MEI1: variants seen among roughly 807,000 people sequenced by gnomAD.
The protein encoded by MEI1 is meiotic double-stranded break formation protein 1.
Under a neutral mutation model 146.2 loss-of-function variants are expected in MEI1, and 103 were observed. The ratio of observed to expected loss-of-function variants is 0.70; its 90% confidence interval spans 0.60 to 0.83. MEI1 has a LOEUF of 0.83. Among genes scored for constraint, MEI1 ranks in the 40% least tolerant of loss-of-function variants. MEI1 has a pLI of 0.00. For missense variants in MEI1, 1,529 were observed against 1,533.0 expected (o/e 1.00, Z 0.04); for synonymous variants, 652 against 628.2 (o/e 1.04, Z -0.57).
intron 18 of MEI1, among the ~76,000 whole-genome samples, chr22:41,762,443 T>G (rs908548137): frequency 3.3e-5 from 5 of 151,750 alleles, no homozygotes; most frequent in African/African-American, 1.2e-4. Context: ...AGCACAATCA[T>G]GGCTCGCTGC....
intron 18 of MEI1, among the ~76,000 whole-genome samples, chr22:41,762,594 C>T (rs2074570326): frequency 6.7e-6 from 1 of 148,678 alleles, no homozygotes; most frequent in Non-Finnish European, 1.5e-5. Context: ...ACTATGTTGC[C>T]TAGGCTGGTC....
chr22:41,728,689 A>C (rs893668949), intron 7 of MEI1, among the ~76,000 whole-genome samples: 1 of 151,990 alleles, frequency 6.6e-6, no homozygotes, highest in Non-Finnish European at 1.5e-5. Context: ...ACATGGTGAA[A>C]CCCTGTCTCT....
At chr22:41,770,348 C>T (rs969071186) in intron 19 of MEI1, among the ~76,000 whole-genome samples, 2 of 151,894 alleles carry the variant, frequency 1.3e-5, no homozygotes, top group African/African-American at 4.8e-5. Flanking sequence ...ATATTTTGCA[C>T]CAGATCATTC....
Position 41,770,668 on chromosome 22 carries a change from T to G in MEI1, c.2269-18T>G. The stretch of plus-strand genomic sequence containing the variant: ...CTCTGCAAGGTGTATTTACCTCCTT[T>G]CTTTGTTTTGCCTCCAGACTATGGT... On this transcript the variant is annotated intron_variant, in intron 19 of 30. Coordinates refer to ENST00000401548, the MANE Select transcript of MEI1 (RefSeq NM_152513.4). 1.9e-6 allele frequency: 3 copies of G among 1,609,710 alleles called. No homozygotes were observed. Among genetic ancestry groups the G allele is most frequent in the Non-Finnish European group, 2.5e-6 (3 of 1,177,728 alleles).
In MEI1 at chr22:41,716,134, G is replaced by A; in HGVS notation, c.517G>A (p.Val173Ile). 6.2e-7 allele frequency: 1 copy of A among 1,607,368 alleles called. No individual in the cohort carries two copies. The highest frequency in any genetic ancestry group is 8.5e-7 in the Non-Finnish European group (1 of 1,176,772). ...DAIPALADEL[V>I]MEHGNLMEHL... Reference sequence around the variant, plus strand: ...CATCCCTGCTCTGGCAGACGAGCTTGTAATGGAGCATGGTGAGTGACCTGT... The same window carrying A: ...CATCCCTGCTCTGGCAGACGAGCTTATAATGGAGCATGGTGAGTGACCTGT... Residue 173 changes from valine to isoleucine, a missense_variant, in exon 5 of 31, where the codon GTA (valine) becomes ATA (isoleucine). Physicochemically the swap from Val to Ile is conservative, Grantham distance 29. Around this residue, in one of 3 missense-constraint regions of MEI1, gnomAD observed 1,212 missense variants for 1,178.9 expected, o/e 1.03. Coordinates refer to ENST00000401548, the MANE Select transcript of MEI1 (RefSeq NM_152513.4).
Position 41,729,645 on chromosome 22 carries a change from T to C in MEI1, c.865-20T>C, listed in dbSNP as rs1367909573. ...TATTCGTGGTGTGACTGGGGTACTT[T>C]TTGCTGCCTGTTTCTCCAGCTTCTC... On this transcript the variant is annotated intron_variant, in intron 7 of 30. Coordinates refer to ENST00000401548, the MANE Select transcript of MEI1 (RefSeq NM_152513.4). 6.4e-7 allele frequency: 1 copy of C among 1,562,494 alleles called. No homozygotes were observed. The highest frequency in any genetic ancestry group is 1.1e-5 in the South Asian group (1 of 87,200).
chr22:41,711,322 G>A (rs1421935990), intron 3 of MEI1, among the ~76,000 whole-genome samples: 5 of 152,090 alleles, frequency 3.3e-5, no homozygotes, highest in East Asian at 1.9e-4. Flanking sequence ...ATAGGCGCCC[G>A]CCATTGCGCC....
chr22:41,701,453 A>T (rs2068719141), intron 1 of MEI1, among the ~76,000 whole-genome samples: 1 of 152,036 alleles, frequency 6.6e-6, no homozygotes, highest in Non-Finnish European at 1.5e-5. Context: ...ACATGGAAAA[A>T]ATTTAAAAAA....
In MEI1 at chr22:41,785,910, A is replaced by G. The variant is rs1472553254; in HGVS notation, c.3345+1127A>G. ...TTATTTTTTTATTTTTTTATTTTTTATTTTATTTTTTTTTTTTTGAGACGG... is the reference window on the plus strand; with the variant it reads ...TTATTTTTTTATTTTTTTATTTTTTGTTTTATTTTTTTTTTTTTGAGACGG... On this transcript the variant is annotated intron_variant, in intron 26 of 30. Coordinates refer to ENST00000401548, the MANE Select transcript of MEI1 (RefSeq NM_152513.4). 2.1e-5 allele frequency among the ~76,000 whole-genome samples: 2 copies of G among 96,338 alleles called. 1 individual carries two copies. The highest frequency in any genetic ancestry group is 4.4e-5 in the Non-Finnish European group (2 of 45,084). 63.2% of individuals were successfully genotyped at this position (96,338 alleles called of 152,430 possible). A position where few individuals can be genotyped will look rare whatever the true frequency, so the allele number is the denominator to read the frequency against.
chr22:41,721,389 C>T (rs1436503431), intron 6 of MEI1, among the ~76,000 whole-genome samples: 2 of 151,364 alleles, frequency 1.3e-5, no homozygotes, highest in South Asian at 2.1e-4. Flanking sequence ...GGACTACAGG[C>T]GCATGCCACC....
chr22:41,754,099 T>C, intron 17 of MEI1, 53 bp downstream of exon 17: 1 of 1,343,314 alleles, frequency 7.4e-7, no homozygotes, highest in Non-Finnish European at 1.1e-6. Flanking sequence ...CTTTAGAGTC[T>C]GGGTGCCTTG....
At chr22:41,775,585 G>T (rs1162702571) in intron 20 of MEI1, among the ~76,000 whole-genome samples, 12 of 151,290 alleles carry the variant, frequency 7.9e-5, no homozygotes, top group African/African-American at 2.9e-4. Flanking sequence ...TTAATAGGAT[G>T]GACCTATTCT....
chr22:41,787,876 G>A (rs1268333954), intron 26 of MEI1, among the ~76,000 whole-genome samples: 1 of 152,128 alleles, frequency 6.6e-6, no homozygotes, highest in Non-Finnish European at 1.5e-5. Flanking sequence ...ATACCAAAAT[G>A]ACCTATTAGC....
rs61735670 is a variant in MEI1, at chr22:41,732,339, G to C, written c.1191G>C (p.Leu397=). 3.7e-3 allele frequency: 5,901 copies of C among 1,613,130 alleles called. 163 individuals are homozygous for C. The African/African-American group carries it at 0.061, about 17-fold the overall frequency. The change falls in exon 10 of 31, where the codon CTG becomes CTC. Residue 397 remains leucine (L), a synonymous_variant. Coordinates refer to ENST00000401548, the MANE Select transcript of MEI1 (RefSeq NM_152513.4). ...GCCTGCTGCTTTTCGCTGAAATCCT[G>C]ACCCGGTGAGCAAAGTGGTGGAACA... ...KQGLLLFAEI[L]TRQPEEIKLF...
rs1355980645 is a variant in MEI1 at position 41,795,167 on chromosome 22, T to C, written c.3535-244T>C. On this transcript the variant is annotated intron_variant, in intron 28 of 30. Transcript: ENST00000401548. The surrounding 1 kb of genome is among the most constrained non-coding windows in gnomAD (Gnocchi z 4.2). Reference sequence around the variant, plus strand: ...CATGAGTGTTCAGTGCAAGGTTGGGTAGGAGGGAGCCAAGGCCAAAGGGGT... The same window carrying C: ...CATGAGTGTTCAGTGCAAGGTTGGGCAGGAGGGAGCCAAGGCCAAAGGGGT... Among the ~76,000 whole-genome samples the C allele has an allele frequency of 2.0e-5, 3 of 152,062 alleles. No individual in the cohort carries two copies. Among genetic ancestry groups the C allele is most frequent in the African/African-American group, 2.4e-5 (1 of 41,416 alleles).
chr22:41,770,641 T>A (rs1021483344), intron 19 of MEI1, 45 bp from the exon 20 acceptor site: 8 of 1,571,776 alleles, frequency 5.1e-6, no homozygotes, highest in Non-Finnish European at 6.9e-6. Flanking sequence ...GTCTCTTGGG[T>A]CCTCTGCAAG....
At chr22:41,708,085 A>G (rs2069236776) in intron 3 of MEI1, among the ~76,000 whole-genome samples, 1 of 152,248 alleles carries the variant, frequency 6.6e-6, no homozygotes, top group Admixed American at 6.5e-5. Context: ...TGTCCCCAAC[A>G]TAAGGAGGTT....
chr22:41,767,471 G>C (rs1227284175), intron 19 of MEI1: 1 of 434,644 alleles, frequency 2.3e-6, no homozygotes, highest in Non-Finnish European at 4.7e-6. Context: ...GTGTGTTAAG[G>C]TATGTGTCTG....
rs777826867 is a variant in MEI1, at chr22:41,784,274, G to T, written c.3088-65G>T. 2.9e-5 allele frequency: 42 copies of T among 1,427,410 alleles called. 1 individual carries two copies. The highest frequency in any genetic ancestry group is 4.1e-5 in the Non-Finnish European group (42 of 1,019,790). The allele number at this position is 1,427,410 out of a possible 1,614,324, so 88.4% of individuals were successfully genotyped here. A position where few individuals can be genotyped will look rare whatever the true frequency, so the allele number is the denominator to read the frequency against. ...GGGAGGTGATAGAAGAGATTTTCAG[G>T]CAGGTTATTTTCTGCCCAGGCTTCC... On this transcript the variant is annotated intron_variant, in intron 24 of 30. Transcript: ENST00000401548.
Sources: allele counts gnomAD v4.1 joint callset (sites outside exome capture counted in the v4.1 genomes callset), GRCh38; gene constraint gnomAD v4.1.1; regional missense constraint gnomAD v4.1.1; non-coding constraint Gnocchi (gnomAD v3.1); transcripts MANE v1.5; gene names NCBI Gene and HGNC (gene_info 2026-07-23, HGNC 2026-07-21).